The following FAM117B variants were observed in gnomAD, a reference collection of about 807,000 sequenced individuals.
FAM117B encodes the protein protein FAM117B.
FAM117B carries 22 observed loss-of-function variants against 52.8 expected under a neutral mutation model. The ratio of observed to expected loss-of-function variants is 0.42; its 90% CI spans 0.30 to 0.59. FAM117B has a LOEUF of 0.59. Among genes scored for constraint, FAM117B ranks in the 20% least tolerant of loss-of-function variants. The pLI, the probability that FAM117B is intolerant of heterozygous loss-of-function variation, is 0.22. For synonymous variants in FAM117B, 309 were observed against 324.1 expected, an observed-to-expected ratio of 0.95 and a Z score of 0.50; for missense variants, 678 against 802.6, an observed-to-expected ratio of 0.84 and a Z score of 1.88.
At chr2:202,746,733 T>C (rs1247051455) in intron 4 of FAM117B, among the ~76,000 whole-genome samples, 1 of 152,082 alleles carries the variant, frequency 6.6e-6, no homozygotes, top group Non-Finnish European at 1.5e-5. Flanking sequence ...TTACTGGTTA[T>C]GAGATTGAAT....
chr2:202,752,236 T>A (rs1053012624), intron 4 of FAM117B, among the ~76,000 whole-genome samples: 1 of 152,150 alleles, frequency 6.6e-6, no homozygotes, highest in Non-Finnish European at 1.5e-5. Flanking sequence ...TTCCTGTCAT[T>A]TCATCTTTAA....
chr2:202,640,640 G>A (rs1689757185), intron 1 of FAM117B, among the ~76,000 whole-genome samples: 1 of 151,348 alleles, frequency 6.6e-6, no homozygotes, highest in African/African-American at 2.4e-5. Context: ...TGGAGACTGG[G>A]TCTCTGTCAC....
chr2:202,655,755 A>T (rs1223647733), intron 1 of FAM117B, among the ~76,000 whole-genome samples: 5,850 of 133,374 alleles, frequency 0.044, 455 homozygotes, highest in African/African-American at 0.17. Flanking sequence ...AGAGAGAGAG[A>T]GAGAGAGTGT....
chr2:202,638,706 CAG>C (rs940996206), intron 1 of FAM117B, among the ~76,000 whole-genome samples: 2 of 152,172 alleles, frequency 1.3e-5, no homozygotes, highest in Non-Finnish European at 2.9e-5. Flanking sequence ...CGGTGGCTCA[CAG>C]GGGTAATCCC....
chr2:202,757,531 T>A, intron 6 of FAM117B, 93 bp downstream of exon 6: 2 of 1,271,668 alleles, frequency 1.6e-6, no homozygotes, highest in Non-Finnish European at 2.2e-6. Flanking sequence ...ACACACACAC[T>A]CGAGGCTACT....
intron 1 of FAM117B, among the ~76,000 whole-genome samples, chr2:202,671,352 G>A (rs1690296512): frequency 1.3e-5 from 2 of 152,174 alleles, no homozygotes; most frequent in Admixed American, 6.5e-5. Flanking sequence ...CATCAGTCTC[G>A]CTGAACTCCC....
In FAM117B at chr2:202,683,837, A is replaced by G. The variant is rs561394024; in HGVS notation, c.602-12044A>G. ...TTATTCCAATACCAAAGCCACACAG[A>G]CATTGTAAGAAAACTACAGAACACA... is the stretch of plus-strand genomic sequence containing the variant. On this transcript the variant is annotated intron_variant, in intron 1 of 7. Transcript: ENST00000392238. Among the ~76,000 whole-genome samples the G allele has an allele frequency of 2.0e-5, 3 of 152,246 alleles. No individual in the cohort carries two copies. The South Asian group carries it at 6.2e-4, about 32-fold the overall frequency.
At chr2:202,694,912 T>TAAAA (rs1350968918) in intron 1 of FAM117B, among the ~76,000 whole-genome samples, 3 of 152,218 alleles carry the variant, frequency 2.0e-5, no homozygotes, top group Admixed American at 6.5e-5. Flanking sequence ...TCACTAATTT[T>TAAAA]TTAGTGACAA....
intron 1 of FAM117B, among the ~76,000 whole-genome samples, chr2:202,643,540 AT>A (rs959042233): frequency 2.6e-5 from 4 of 152,128 alleles, no homozygotes; most frequent in Non-Finnish European, 5.9e-5. Flanking sequence ...ATTTAAATTT[AT>A]TTTTTTAAAC....
At chr2:202,733,744 T>G (rs554003848) in intron 4 of FAM117B, among the ~76,000 whole-genome samples, 1 of 152,354 alleles carries the variant, frequency 6.6e-6, no homozygotes, top group South Asian at 2.1e-4. Context: ...GATTTCATAT[T>G]GTTCACCCAT....
chr2:202,655,371 T>G (rs1690036333), intron 1 of FAM117B, among the ~76,000 whole-genome samples: 1 of 152,144 alleles, frequency 6.6e-6, no homozygotes. Flanking sequence ...TGTTTTTGTT[T>G]TCTTTGTTAA....
chr2:202,682,000 A>G (rs1372235300), intron 1 of FAM117B, among the ~76,000 whole-genome samples: 3 of 152,178 alleles, frequency 2.0e-5, no homozygotes, highest in African/African-American at 4.8e-5. Flanking sequence ...ATTGGAGACT[A>G]TAGTTGGATG....
Position 202,765,512 on chromosome 2 carries a change from T to C in FAM117B, c.1518T>C (p.Pro506=), listed in dbSNP as rs1418123416. The C allele has an allele frequency of 6.2e-7, 1 of 1,614,092 alleles. No homozygotes were observed. Among genetic ancestry groups the C allele is most frequent in the Non-Finnish European group, 8.5e-7 (1 of 1,180,020 alleles). Residue 506 remains proline, a synonymous_variant, in exon 8 of 8, where the codon CCT becomes CCC. Coordinates refer to ENST00000392238, the MANE Select transcript of FAM117B (RefSeq NM_173511.4). ...CPDKNKVNFI[P]KSGSAFCLVS... ...ACAAAAACAAGGTGAATTTCATTCC[T>C]AAAAGTGGATCTGCTTTCTGCCTCG... is the stretch of plus-strand genomic sequence containing the variant.
intron 1 of FAM117B, among the ~76,000 whole-genome samples, chr2:202,641,912 T>G (rs371600877): frequency 6.6e-6 from 1 of 151,670 alleles, no homozygotes; most frequent in African/African-American, 2.4e-5. Context: ...GTGCTGAGAT[T>G]ACAGGCATGA....
At chr2:202,646,154 G>A (rs996936949) in intron 1 of FAM117B, among the ~76,000 whole-genome samples, 2 of 151,680 alleles carry the variant, frequency 1.3e-5, no homozygotes, top group Non-Finnish European at 2.9e-5. Context: ...AGCCCCCTGA[G>A]TAGCTGCGAC....
intron 1 of FAM117B, among the ~76,000 whole-genome samples, chr2:202,651,434 A>G (rs561902580): frequency 1.3e-5 from 2 of 150,594 alleles, no homozygotes; most frequent in East Asian, 3.9e-4. Context: ...GTGCAATGGC[A>G]CAATCTTGGC....
intron 1 of FAM117B, among the ~76,000 whole-genome samples, chr2:202,693,232 G>T (rs1182275661): frequency 6.6e-6 from 1 of 152,100 alleles, no homozygotes; most frequent in Non-Finnish European, 1.5e-5. Flanking sequence ...AAACATTATA[G>T]AAATGCCTAA....
At chr2:202,661,034 C>T (rs1690120313) in intron 1 of FAM117B, among the ~76,000 whole-genome samples, 1 of 152,190 alleles carries the variant, frequency 6.6e-6, no homozygotes, top group Non-Finnish European at 1.5e-5. Context: ...TTTTTCCTGC[C>T]CACTCCTACT....
chr2:202,648,751 T>C lies in FAM117B; in HGVS notation c.601+12963T>C, dbSNP rs575507612. Among the ~76,000 whole-genome samples, 33 of 152,076 alleles carry C rather than the reference T, an allele frequency of 2.2e-4. 1 individual carries two copies. The East Asian group carries it at 4.8e-3, about 22-fold the overall frequency. ...ATGAATTTATCTGTAGGACAAATTCTTTTTTTATTATTATTTTTTATTTTT... is the reference window on the plus strand; with the variant it reads ...ATGAATTTATCTGTAGGACAAATTCCTTTTTTATTATTATTTTTTATTTTT... On this transcript the variant is annotated intron_variant, in intron 1 of 7. Coordinates refer to ENST00000392238, the MANE Select transcript of FAM117B (RefSeq NM_173511.4).
Sources: allele counts gnomAD v4.1 joint callset (sites outside exome capture counted in the v4.1 genomes callset), GRCh38; gene constraint gnomAD v4.1.1; transcripts MANE v1.5; gene names NCBI Gene and HGNC (gene_info 2026-07-23, HGNC 2026-07-21).